LPP: variants seen among roughly 807,000 people sequenced by gnomAD.
LPP encodes the protein LIM domain containing preferred translocation partner in lipoma, also known as lipoma-preferred partner.
Under a neutral mutation model 60.4 loss-of-function variants are expected in LPP, and 38 were observed. The ratio of observed to expected loss-of-function variants is 0.63; its 90% CI spans 0.49 to 0.83. The LOEUF is 0.83. Ranked by LOEUF, LPP falls within the 40% of genes least tolerant of loss-of-function variation. The pLI is 0.00. For missense variants in LPP, 902 were observed against 783.6 expected (o/e 1.15, Z -1.80); for synonymous variants, 328 against 290.8 (o/e 1.13, Z -1.30).
At chr3:188,466,891 A>G (rs1337996320) in intron 4 of LPP, among the ~76,000 whole-genome samples, 1 of 139,420 alleles carries the variant, frequency 7.2e-6, no homozygotes, top group African/African-American at 2.6e-5. Flanking sequence ...ATTTTTCTCA[A>G]TGTGATGGAT....
chr3:188,655,631 T>C (rs900617735), intron 7 of LPP, among the ~76,000 whole-genome samples: 1 of 152,190 alleles, frequency 6.6e-6, no homozygotes, highest in Non-Finnish European at 1.5e-5. Context: ...ATCTCTGGGT[T>C]GAATAGATCA....
intron 7 of LPP, among the ~76,000 whole-genome samples, chr3:188,624,514 G>A (rs1288371525): frequency 6.6e-6 from 1 of 152,160 alleles, no homozygotes; most frequent in African/African-American, 2.4e-5. Context: ...AAGTGAGTGA[G>A]CCTAGTCCAA....
rs913585904 is a variant in LPP at position 188,790,941 on chromosome 3, A to C, written c.1410+30659A>C. ...CCAAGTAGAAAAGTCTTCAAAAAAA[A>C]AAAAACGCTTTAGAAAAACACTTTA... is the stretch of plus-strand genomic sequence containing the variant. On this transcript the variant is annotated intron_variant, in intron 9 of 11. Transcript: ENST00000617246. 2.0e-3 allele frequency among the ~76,000 whole-genome samples: 304 copies of C among 152,296 alleles called. 2 individuals carry two copies. The highest frequency in any genetic ancestry group is 7.0e-3 in the African/African-American group (292 of 41,578).
In LPP at chr3:188,861,161, G is replaced by C. The variant is rs936871488; in HGVS notation, c.1411-5039G>C. 2.0e-5 allele frequency among the ~76,000 whole-genome samples: 3 copies of C among 152,290 alleles called. No homozygotes were observed. In the South Asian group the frequency reaches 6.2e-4, roughly 32 times the overall value. On this transcript the variant is annotated intron_variant, in intron 9 of 11. Transcript: ENST00000617246. ...TGATAAATTGTTTCCCTGAAGAAAG[G>C]ATTATGGGTGAATGGCCAAGTAAAA... is the stretch of plus-strand genomic sequence containing the variant.
rs149814772 is a variant in LPP at position 188,351,992 on chromosome 3, C to G, written c.-10+10273C>G. Among the ~76,000 whole-genome samples the G allele has an allele frequency of 1.8e-3, 273 of 152,276 alleles. 2 individuals are homozygous for G. The highest frequency in any genetic ancestry group is 1.3e-3 in the Non-Finnish European group (88 of 68,024). On this transcript the variant is annotated intron_variant, in intron 3 of 11. Coordinates refer to ENST00000617246, the MANE Select transcript of LPP (RefSeq NM_001375462.1). ...CATTGGCTTTTACTTGCACTTACTA[C>G]ATTTTACTCCTGCCTCTTCCCTAGC...
At chr3:188,602,375 A>T (rs966961480) in intron 6 of LPP, among the ~76,000 whole-genome samples, 10 of 151,118 alleles carry the variant, frequency 6.6e-5, no homozygotes, top group African/African-American at 2.4e-4. Flanking sequence ...GGATAAAATG[A>T]TGATGTAATT....
intron 9 of LPP, among the ~76,000 whole-genome samples, chr3:188,788,454 G>A (rs1156633772): frequency 6.6e-6 from 1 of 152,212 alleles, no homozygotes; most frequent in African/African-American, 2.4e-5. Flanking sequence ...CCTCAAGTAT[G>A]TGTGATTCTT....
chr3:188,252,075 TACACACACACACACAC>T (rs1187257468), intron 2 of LPP, among the ~76,000 whole-genome samples: 1 of 58,510 alleles, frequency 1.7e-5, no homozygotes, highest in Non-Finnish European at 3.0e-5. Flanking sequence ...TATATATATA[TACACACACACACACAC>T]ATATATCAGA....
At chr3:188,349,880 C>G (rs979474249) in intron 3 of LPP, among the ~76,000 whole-genome samples, 1 of 152,232 alleles carries the variant, frequency 6.6e-6, no homozygotes, top group Non-Finnish European at 1.5e-5. Context: ...AATACCAGTG[C>G]TCCTGAGCTC....
intron 2 of LPP, among the ~76,000 whole-genome samples, chr3:188,253,303 T>C (rs535712789): frequency 1.3e-5 from 2 of 152,332 alleles, no homozygotes; most frequent in East Asian, 3.9e-4. Context: ...CTTCTGGACT[T>C]TGTTCGTAGT....
chr3:188,373,545 G>A (rs1773952178), intron 3 of LPP, among the ~76,000 whole-genome samples: 1 of 151,968 alleles, frequency 6.6e-6, no homozygotes, highest in Admixed American at 6.6e-5. Context: ...CCCACTTTTT[G>A]ATGGGGTTGT....
intron 3 of LPP, among the ~76,000 whole-genome samples, chr3:188,348,930 A>AGACT (rs1765120020): frequency 1.3e-5 from 2 of 152,202 alleles, no homozygotes; most frequent in Admixed American, 1.3e-4. Context: ...GAATAATGGA[A>AGACT]GACTGGGTTG....
intron 5 of LPP, among the ~76,000 whole-genome samples, chr3:188,509,791 C>A (rs985034934): frequency 1.3e-5 from 2 of 150,444 alleles, no homozygotes; most frequent in Non-Finnish European, 3.0e-5. Flanking sequence ...CTCCTGGGTT[C>A]AAGCGATTCT....
intron 9 of LPP, among the ~76,000 whole-genome samples, chr3:188,862,753 G>A (rs1280954091): frequency 0.011 from 1,166 of 110,004 alleles, 2 homozygotes; most frequent in East Asian, 0.051. Flanking sequence ...AAAAAGAAAA[G>A]AAAGAAAGAA....
At chr3:188,449,192 T>A (rs1796023074) in intron 4 of LPP, among the ~76,000 whole-genome samples, 1 of 152,228 alleles carries the variant, frequency 6.6e-6, no homozygotes, top group African/African-American at 2.4e-5. Context: ...CCCTTATGTA[T>A]ACCAGATCCA....
chr3:188,710,607 G>A (rs1050361447), intron 8 of LPP: 8 of 152,132 alleles, frequency 5.3e-5, no homozygotes, highest in Non-Finnish European at 1.2e-4. Flanking sequence ...TAATGCTCTT[G>A]TCATTGCCAT....
chr3:188,501,591 T>G (rs140463276), intron 5 of LPP, among the ~76,000 whole-genome samples: 1,556 of 151,976 alleles, frequency 0.01, 15 homozygotes, highest in Middle Eastern at 0.058. Context: ...CTACTAAAAT[T>G]ACAAAAAATT....
At chr3:188,769,104 A>G (rs1050139234) in intron 9 of LPP, among the ~76,000 whole-genome samples, 1 of 152,234 alleles carries the variant, frequency 6.6e-6, no homozygotes, top group Admixed American at 6.5e-5. Context: ...AGCAATAAAA[A>G]ATATAAAATA....
At chr3:188,570,976 T>A (rs1327874003) in intron 6 of LPP, among the ~76,000 whole-genome samples, 1 of 152,160 alleles carries the variant, frequency 6.6e-6, no homozygotes, top group African/African-American at 2.4e-5. Context: ...TAGCAAATTA[T>A]ACTCATTTGA....
Sources: gnomAD v4.1 joint callset for allele counts (sites outside exome capture counted in the v4.1 genomes callset) on GRCh38, gnomAD v4.1.1 for gene constraint, MANE v1.5 for transcripts, NCBI Gene and HGNC (gene_info 2026-07-23, HGNC 2026-07-21) for gene names.